SHISA9: variants seen among roughly 807,000 people sequenced by gnomAD.
The protein encoded by SHISA9 is protein shisa-9.
Under a neutral mutation model 38.0 loss-of-function variants are expected in SHISA9, and 13 were observed. That is an observed-to-expected ratio of 0.34 (90% CI 0.22 to 0.54). The LOEUF is 0.54. SHISA9 is among the 20% of genes least tolerant of loss of function. The pLI is 0.91. For missense variants in SHISA9, 538 were observed against 575.8 expected (o/e 0.93, Z 0.67); for synonymous variants, 275 against 242.0 (o/e 1.14, Z -1.27).
Position 13,196,553 on chromosome 16 carries a change from A to G in SHISA9, c.692-6841A>G, listed in dbSNP as rs557154529. Reference sequence around the variant, plus strand: ...GATATGACTAAATTCTAAGTTTAATATGGTACCTAGATATTTTGAAACAGA... The same window carrying G: ...GATATGACTAAATTCTAAGTTTAATGTGGTACCTAGATATTTTGAAACAGA... On this transcript the variant is annotated intron_variant, in intron 2 of 4. Coordinates refer to ENST00000558583, the MANE Select transcript of SHISA9 (RefSeq NM_001145204.3). 9.5e-4 allele frequency among the ~76,000 whole-genome samples: 144 copies of G among 152,340 alleles called. 3 individuals are homozygous for G. The highest frequency in any genetic ancestry group is 1.1e-3 in the Non-Finnish European group (75 of 68,034).
rs1163559832 is a variant in SHISA9, at chr16:12,902,574, C to T, written c.510C>T (p.Phe170=). The T allele has an allele frequency of 6.4e-7, 1 of 1,551,270 alleles. No individual in the cohort carries two copies. Among genetic ancestry groups the T allele is most frequent in the Non-Finnish European group, 8.7e-7 (1 of 1,146,990 alleles). Residue 170 remains phenylalanine, a synonymous_variant, in exon 1 of 5, where the codon TTC becomes TTT. Coordinates refer to ENST00000558583, the MANE Select transcript of SHISA9 (RefSeq NM_001145204.3). ...CCGTCATGGTGCTCGTGGGCATCTT[C>T]ACCAAGCTGGGGCTGGAGAAAGCGC... The part of the protein sequence containing the change: ...VVAVMVLVGI[F]TKLGLEKAHR...
At chr16:13,437,048 C>A in the SHISA9 span, among the ~76,000 whole-genome samples, 1 of 152,146 alleles carries the variant, frequency 6.6e-6, no homozygotes, top group East Asian at 1.9e-4. Context: ...AGGGAAACCC[C>A]ACCCCATGAT....
intron 2 of SHISA9, among the ~76,000 whole-genome samples, chr16:13,195,332 G>C (rs1441921754): frequency 6.6e-6 from 1 of 152,102 alleles, no homozygotes; most frequent in Non-Finnish European, 1.5e-5. Flanking sequence ...TCCCAAATTT[G>C]GAACAATCTG....
At chr16:13,422,955 G>A in the SHISA9 span, among the ~76,000 whole-genome samples, 1 of 152,200 alleles carries the variant, frequency 6.6e-6, no homozygotes, top group East Asian at 1.9e-4. Context: ...GGAGAAAGGA[G>A]GAAAGAGACC....
At chr16:12,918,819 A>G (rs1273303902) in intron 2 of SHISA9, among the ~76,000 whole-genome samples, 1 of 140,080 alleles carries the variant, frequency 7.1e-6, no homozygotes, top group African/African-American at 2.5e-5. Flanking sequence ...TCTTACAAGA[A>G]TTGCCCAGAT....
chr16:13,338,357 A>T, the SHISA9 span, among the ~76,000 whole-genome samples: 5 of 152,202 alleles, frequency 3.3e-5, no homozygotes, highest in Non-Finnish European at 7.3e-5. Context: ...AATCCTAATC[A>T]ATACAAGGAC....
At chr16:13,171,221 C>T (rs1488232124) in intron 2 of SHISA9, among the ~76,000 whole-genome samples, 2 of 152,040 alleles carry the variant, frequency 1.3e-5, no homozygotes, top group Non-Finnish European at 2.9e-5. Context: ...GAGAGGGTAC[C>T]AAGCCATTCA....
At chr16:13,241,160 C>T (rs546698558), downstream of SHISA9, among the ~76,000 whole-genome samples, 1 of 152,254 alleles carries the variant, frequency 6.6e-6, no homozygotes, top group East Asian at 1.9e-4. Flanking sequence ...TTCAGGGATG[C>T]TAATGTTCAG....
chr16:13,323,828 C>T, the SHISA9 span, among the ~76,000 whole-genome samples: 7 of 152,214 alleles, frequency 4.6e-5, no homozygotes, highest in Admixed American at 3.9e-4. Context: ...CACCAGGTCT[C>T]TCTCTCGACA....
the SHISA9 span, among the ~76,000 whole-genome samples, chr16:13,391,816 T>C: frequency 6.6e-6 from 1 of 152,182 alleles, no homozygotes. Context: ...AGTAGCTCAA[T>C]AAATGACTGT....
chr16:13,455,882 C>G, the SHISA9 span, among the ~76,000 whole-genome samples: 1 of 152,126 alleles, frequency 6.6e-6, no homozygotes, highest in African/African-American at 2.4e-5. Flanking sequence ...GAGTTTTTCT[C>G]TAAGATTTAG....
intron 2 of SHISA9, among the ~76,000 whole-genome samples, chr16:13,039,484 GGT>G (rs1491147198): frequency 6.5e-4 from 67 of 102,538 alleles, no homozygotes; most frequent in Middle Eastern, 5.9e-3. Context: ...AATGTCATGG[GGT>G]TTTTTTTTTT....
chr16:13,329,022 G>C, the SHISA9 span, among the ~76,000 whole-genome samples: 6 of 152,100 alleles, frequency 3.9e-5, no homozygotes, highest in African/African-American at 1.4e-4. Flanking sequence ...ATGGCTGCCT[G>C]GGACTAGGCA....
At chr16:13,122,536 A>G (rs2050221090) in intron 2 of SHISA9, among the ~76,000 whole-genome samples, 1 of 152,188 alleles carries the variant, frequency 6.6e-6, no homozygotes, top group Non-Finnish European at 1.5e-5. Flanking sequence ...AAATAGGTAG[A>G]GTGTCACCTG....
At chr16:13,400,334 C>A in the SHISA9 span, among the ~76,000 whole-genome samples, 1 of 149,650 alleles carries the variant, frequency 6.7e-6, no homozygotes, top group Non-Finnish European at 1.5e-5. Flanking sequence ...TTACTTTATT[C>A]TCTTCCCTGT....
At chr16:13,196,407 A>AAAAAGG (rs59400779) in intron 2 of SHISA9, among the ~76,000 whole-genome samples, 2 of 150,136 alleles carry the variant, frequency 1.3e-5, no homozygotes, top group African/African-American at 5.0e-5. Context: ...AAAAAAAAAA[A>AAAAAGG]AAAGAAAGAA....
chr16:13,560,768 AAAG>A, the SHISA9 span, among the ~76,000 whole-genome samples: 1 of 152,016 alleles, frequency 6.6e-6, no homozygotes, highest in African/African-American at 2.4e-5. Flanking sequence ...AAAAAAAAAA[AAAG>A]CAGAAAGGAG....
At chr16:13,367,508 A>C in the SHISA9 span, among the ~76,000 whole-genome samples, 3 of 151,782 alleles carry the variant, frequency 2.0e-5, no homozygotes, top group African/African-American at 7.3e-5. Context: ...CCATTGGCTC[A>C]AATTCTTAAA....
At chr16:12,949,914 T>C (rs1344702712) in intron 2 of SHISA9, among the ~76,000 whole-genome samples, 2 of 152,188 alleles carry the variant, frequency 1.3e-5, no homozygotes, top group Non-Finnish European at 2.9e-5. Context: ...ATGTAATAAA[T>C]TGTTATTAAT....
Sources: allele counts gnomAD v4.1 joint callset (sites outside exome capture counted in the v4.1 genomes callset), GRCh38; gene constraint gnomAD v4.1.1; transcripts MANE v1.5; gene names NCBI Gene and HGNC (gene_info 2026-07-23, HGNC 2026-07-21).